DGKH: variants seen among roughly 807,000 people sequenced by gnomAD.
DGKH encodes DAG kinase eta.
Under a neutral mutation model 159.3 loss-of-function variants are expected in DGKH, and 90 were observed. The ratio of observed to expected loss-of-function variants is 0.57; its 90% CI spans 0.48 to 0.67. The LOEUF is 0.67. Ranked by LOEUF, DGKH falls within the 30% of genes least tolerant of loss-of-function variation. The probability of loss-of-function intolerance (pLI) is 0.00; values close to 1 mark genes in which losing one functional copy is unlikely to be tolerated. For missense variants in DGKH, 1,181 were observed against 1,506.1 expected (o/e 0.78, Z 3.57); for synonymous variants, 536 against 553.8 (o/e 0.97, Z 0.45).
downstream of DGKH, among the ~76,000 whole-genome samples, chr13:42,246,063 A>G (rs1051986198): frequency 5.9e-5 from 9 of 152,222 alleles, no homozygotes; most frequent in Admixed American, 2.0e-4. Context: ...TTCACCAGGA[A>G]ATCTAAATAC....
intron 30 of DGKH, among the ~76,000 whole-genome samples, chr13:42,254,266 C>A (rs1482354393): frequency 6.6e-6 from 1 of 152,068 alleles, no homozygotes; most frequent in Non-Finnish European, 1.5e-5. Context: ...ATCTAAATGC[C>A]AGATGATAGG....
At chr13:42,135,362 C>T (rs896651387) in intron 3 of DGKH, among the ~76,000 whole-genome samples, 4 of 150,924 alleles carry the variant, frequency 2.7e-5, no homozygotes, top group African/African-American at 9.7e-5. Context: ...AACTGAGCAT[C>T]GTGGTGCATG....
intron 7 of DGKH, among the ~76,000 whole-genome samples, chr13:42,162,420 G>A (rs1470383562): frequency 1.3e-5 from 2 of 152,206 alleles, no homozygotes; most frequent in Non-Finnish European, 2.9e-5. Flanking sequence ...TGCTGAGGCA[G>A]GAGAATCGCT....
intron 1 of DGKH, among the ~76,000 whole-genome samples, chr13:42,060,491 G>T (rs1882075837): frequency 6.6e-6 from 1 of 152,142 alleles, no homozygotes; most frequent in Non-Finnish European, 1.5e-5. Flanking sequence ...ACATATTTGT[G>T]CAGTCTACTC....
chr13:42,146,300 G>A (rs766540767), intron 3 of DGKH, among the ~76,000 whole-genome samples: 4 of 152,148 alleles, frequency 2.6e-5, no homozygotes, highest in South Asian at 2.1e-4. Flanking sequence ...TCTAAAAGGC[G>A]TTTACCTGAA....
At chr13:42,049,061 G>A in intron 1 of DGKH, 96 bp downstream of exon 1, 1 of 124,176 alleles carries the variant, frequency 8.1e-6, no homozygotes, top group Non-Finnish European at 1.3e-5. Flanking sequence ...CCGGGAAGGC[G>A]GGGAAGGCGG....
chr13:42,073,697 G>T (rs1566087288), intron 1 of DGKH, among the ~76,000 whole-genome samples: 1 of 152,188 alleles, frequency 6.6e-6, no homozygotes. Context: ...GGGTTTAAGA[G>T]GATGTAATGC....
intron 1 of DGKH, among the ~76,000 whole-genome samples, chr13:42,088,584 A>T (rs1206481613): frequency 2.6e-5 from 4 of 152,160 alleles, no homozygotes. Context: ...AGATGGATAT[A>T]GTAAACCTTA....
At chr13:42,116,380 A>G (rs1191823950) in intron 1 of DGKH, among the ~76,000 whole-genome samples, 2 of 152,356 alleles carry the variant, frequency 1.3e-5, no homozygotes, top group African/African-American at 2.4e-5. Flanking sequence ...CCCCTGATCC[A>G]TCTCTCCCAT....
chr13:42,053,568 C>CTA (rs370501850), intron 1 of DGKH, among the ~76,000 whole-genome samples: 173 of 50,566 alleles, frequency 3.4e-3, no homozygotes, highest in African/African-American at 0.017. Context: ...ATATATATAA[C>CTA]TATATATGTA....
At chr13:42,195,154 G>A in intron 17 of DGKH, 138 bp downstream of exon 17, 1 of 1,195,530 alleles carries the variant, frequency 8.4e-7, no homozygotes, top group South Asian at 1.7e-5. Context: ...CTTTCAGTCA[G>A]AATCCAGGCC....
At chr13:42,123,145 A>G (rs1349400135) in intron 1 of DGKH, among the ~76,000 whole-genome samples, 2 of 152,174 alleles carry the variant, frequency 1.3e-5, no homozygotes, top group Non-Finnish European at 2.9e-5. Context: ...TAATTCCTCA[A>G]ATATGGAGGT....
chr13:42,121,449 G>T (rs2137826423), intron 1 of DGKH, among the ~76,000 whole-genome samples: 1 of 152,328 alleles, frequency 6.6e-6, no homozygotes, highest in Non-Finnish European at 1.5e-5. Flanking sequence ...TTATTAGTAT[G>T]TTCATTGTAA....
chr13:42,186,471 CTAAAT>C, intron 13 of DGKH, among the ~76,000 whole-genome samples: 1 of 152,188 alleles, frequency 6.6e-6, no homozygotes, highest in South Asian at 2.1e-4. Context: ...CTAACAAGAC[CTAAAT>C]TAAATTAGTC....
intron 1 of DGKH, among the ~76,000 whole-genome samples, chr13:42,062,911 G>A (rs936279857): frequency 6.6e-6 from 1 of 152,094 alleles, no homozygotes; most frequent in African/African-American, 2.4e-5. Flanking sequence ...CTGTTCACTT[G>A]TAGTTGATAC....
intron 11 of DGKH, 111 bp downstream of exon 11, chr13:42,168,929 A>C: frequency 1.6e-6 from 2 of 1,229,862 alleles, no homozygotes; most frequent in Non-Finnish European, 2.2e-6. Context: ...TAGAAGCTCC[A>C]CGAAGGCAGA....
intron 25 of DGKH, 90 bp from the exon 26 acceptor site, chr13:42,215,485 T>C (rs1395453470): frequency 3.9e-6 from 4 of 1,032,234 alleles, no homozygotes; most frequent in African/African-American, 3.2e-5. Flanking sequence ...TGCTGTGAAT[T>C]TAAATTATAA....
chr13:42,136,789 CTT>C (rs1162186215), intron 3 of DGKH, among the ~76,000 whole-genome samples: 1 of 152,150 alleles, frequency 6.6e-6, no homozygotes, highest in African/African-American at 2.4e-5. Context: ...TCTGGTAACA[CTT>C]ATATTTAGAA....
intron 23 of DGKH, 117 bp from the exon 24 acceptor site, chr13:42,210,485 T>A: frequency 1.0e-6 from 1 of 983,336 alleles, no homozygotes; most frequent in Non-Finnish European, 1.5e-6. Flanking sequence ...TTTTTATACT[T>A]GTGATTTATT....
Sources: allele counts gnomAD v4.1 joint callset (sites outside exome capture counted in the v4.1 genomes callset), GRCh38; gene constraint gnomAD v4.1.1; transcripts MANE v1.5; gene names NCBI Gene and HGNC (gene_info 2026-07-23, HGNC 2026-07-21).